C10orf90: variants seen among roughly 807,000 people sequenced by gnomAD.
C10orf90 encodes the protein chromosome 10 open reading frame 90.
In C10orf90, 56 loss-of-function variants were observed where a neutral mutation model predicts 62.5. The ratio of observed to expected loss-of-function variants is 0.90; its 90% confidence interval spans 0.72 to 1.12. The LOEUF is 1.12. Ranked by LOEUF, C10orf90 falls within the 50% of genes most tolerant of loss-of-function variation. C10orf90 has a pLI of 0.00. For missense variants in C10orf90, 970 were observed against 880.4 expected (o/e 1.10, Z -1.29); for synonymous variants, 386 against 340.4 (o/e 1.13, Z -1.47).
chr10:126,630,721 CAGTT>C (rs1845835441), intron 2 of C10orf90, among the ~76,000 whole-genome samples: 1 of 152,142 alleles, frequency 6.6e-6, no homozygotes, highest in South Asian at 2.1e-4. Context: ...CTCCAGGTGT[CAGTT>C]ACTTTACTTC....
At chr10:126,645,264 A>T in intron 2 of C10orf90, among the ~76,000 whole-genome samples, 1 of 151,348 alleles carries the variant, frequency 6.6e-6, no homozygotes, top group African/African-American at 2.4e-5. Context: ...AGTATAAAAA[A>T]AAAAAAAAAA....
chr10:126,462,128 A>G (rs988720712), intron 5 of C10orf90, among the ~76,000 whole-genome samples: 3 of 152,124 alleles, frequency 2.0e-5, no homozygotes, highest in African/African-American at 4.8e-5. Flanking sequence ...CCTTGTGGAA[A>G]AGGTCAGGAA....
At chr10:126,668,362 G>A (rs1479067940) in intron 1 of C10orf90, among the ~76,000 whole-genome samples, 2 of 152,172 alleles carry the variant, frequency 1.3e-5, no homozygotes, top group Non-Finnish European at 2.9e-5. Flanking sequence ...TGGCCTTGGA[G>A]CTGATAGAAG....
chr10:126,658,840 A>G (rs947869994), intron 1 of C10orf90, among the ~76,000 whole-genome samples: 2 of 152,156 alleles, frequency 1.3e-5, no homozygotes, highest in Non-Finnish European at 2.9e-5. Flanking sequence ...TGATCCTCCC[A>G]CCTCAGCCTC....
intron 2 of C10orf90, among the ~76,000 whole-genome samples, chr10:126,612,392 TA>T (rs1845455567): frequency 6.6e-6 from 1 of 152,128 alleles, no homozygotes; most frequent in South Asian, 2.1e-4. Context: ...AGTACAGATC[TA>T]ACACATTTCC....
In C10orf90 at chr10:126,560,355, T is replaced by C; in HGVS notation, c.314-46416A>G. ...ACTTCATTGGCAAACTATTTCTCAC[T>C]TTGCTGAAGGTTCGAGGCACGGTGA... On this transcript the variant is annotated intron_variant, in intron 2 of 9. Transcript: ENST00000488181. Among the ~76,000 whole-genome samples the C allele has an allele frequency of 1.3e-5, 2 of 152,164 alleles. 1 individual carries two copies. The highest frequency in any genetic ancestry group is 4.1e-4 in the South Asian group (2 of 4,832).
intron 4 of C10orf90, among the ~76,000 whole-genome samples, chr10:126,497,723 C>T (rs1468059000): frequency 6.6e-6 from 1 of 152,186 alleles, no homozygotes; most frequent in Admixed American, 6.5e-5. Flanking sequence ...AAATGTTAGG[C>T]TTTGTGAGCT....
intron 2 of C10orf90, among the ~76,000 whole-genome samples, chr10:126,605,332 C>T (rs1529947): frequency 0.19 from 29,196 of 152,144 alleles, 2,951 homozygotes; most frequent in South Asian, 0.34. Flanking sequence ...AAGCACAGGG[C>T]CCTCGTCTGA....
intron 2 of C10orf90, among the ~76,000 whole-genome samples, chr10:126,618,483 G>C (rs949814102): frequency 1.3e-5 from 2 of 152,082 alleles, no homozygotes; most frequent in Non-Finnish European, 2.9e-5. Flanking sequence ...GCCAAACTCT[G>C]TATTACTTTA....
chr10:126,586,719 A>G (rs1844878998), intron 2 of C10orf90, among the ~76,000 whole-genome samples: 1 of 152,158 alleles, frequency 6.6e-6, no homozygotes, highest in Admixed American at 6.6e-5. Context: ...AAATTCCTGC[A>G]TGAAAGTGGG....
At chr10:126,572,405 T>A (rs879686060) in intron 2 of C10orf90, among the ~76,000 whole-genome samples, 4 of 152,174 alleles carry the variant, frequency 2.6e-5, no homozygotes, top group Admixed American at 1.3e-4. Flanking sequence ...AAAGAATGGC[T>A]ACTCCATAGA....
chr10:126,559,216 T>G (rs1368466871), intron 2 of C10orf90, among the ~76,000 whole-genome samples: 1 of 152,262 alleles, frequency 6.6e-6, no homozygotes, highest in Non-Finnish European at 1.5e-5. Context: ...CACTCCTTAT[T>G]GTATGTTTCC....
At chr10:126,469,482 G>A (rs1860453518) in intron 4 of C10orf90, among the ~76,000 whole-genome samples, 1 of 152,156 alleles carries the variant, frequency 6.6e-6, no homozygotes, top group Non-Finnish European at 1.5e-5. Flanking sequence ...GTTCTGGGCG[G>A]TGACGTTTTC....
At chr10:126,668,919 A>G (rs1390569569) in intron 1 of C10orf90, among the ~76,000 whole-genome samples, 1 of 152,212 alleles carries the variant, frequency 6.6e-6, no homozygotes, top group African/African-American at 2.4e-5. Flanking sequence ...CAGTGTGGCT[A>G]TAGGAATCAG....
intron 2 of C10orf90, among the ~76,000 whole-genome samples, chr10:126,599,142 C>CTACAGAG (rs909810974): frequency 3.3e-5 from 5 of 151,366 alleles, no homozygotes; most frequent in African/African-American, 9.7e-5. Flanking sequence ...TCTCTTTGCA[C>CTACAGAG]TACAGAGATA....
rs1186551103 is a variant in C10orf90, at chr10:126,459,148, T to C, written c.2080A>G (p.Met694Val). ...SQERLKKLEH[M>V]VQQRKAQRKE... ...CGCTGGGCTTTCCTCTGCTGGACCATGTGTTCAAGCTTCTTCAGCCGTTCT... is the reference window on the plus strand; with the variant it reads ...CGCTGGGCTTTCCTCTGCTGGACCACGTGTTCAAGCTTCTTCAGCCGTTCT... Residue 694 changes from methionine (M) to valine (V), a missense_variant, in exon 7 of 10, where the codon ATG (methionine) becomes GTG (valine). Transcript: ENST00000488181. 2 of 1,614,196 alleles carry C rather than the reference T, an allele frequency of 1.2e-6. No homozygotes were observed. Among genetic ancestry groups the C allele is most frequent in the Non-Finnish European group, 1.7e-6 (2 of 1,180,044 alleles).
intron 2 of C10orf90, among the ~76,000 whole-genome samples, chr10:126,620,485 G>T (rs1845624145): frequency 6.6e-6 from 1 of 152,096 alleles, no homozygotes; most frequent in Non-Finnish European, 1.5e-5. Context: ...GTTATCAATT[G>T]TCACTCATGT....
chr10:126,550,345 G>A (rs1864605222), intron 2 of C10orf90, among the ~76,000 whole-genome samples: 1 of 152,136 alleles, frequency 6.6e-6, no homozygotes, highest in Non-Finnish European at 1.5e-5. Flanking sequence ...GTGCAGAAGG[G>A]AAGTGAGTGT....
chr10:126,647,354 C>A, intron 1 of C10orf90, among the ~76,000 whole-genome samples: 1 of 152,282 alleles, frequency 6.6e-6, no homozygotes, highest in East Asian at 1.9e-4. Context: ...CTTGAAGGGG[C>A]AACACAGTCA....
Sources: gnomAD v4.1 joint callset for allele counts (sites outside exome capture counted in the v4.1 genomes callset) on GRCh38, gnomAD v4.1.1 for gene constraint, MANE v1.5 for transcripts, NCBI Gene and HGNC (gene_info 2026-07-23, HGNC 2026-07-21) for gene names.